The following TSPAN5 variants were observed in gnomAD, a reference collection of about 807,000 sequenced individuals.
The protein encoded by TSPAN5 is tetraspanin 5.
In TSPAN5, 10 loss-of-function variants were observed where a neutral mutation model predicts 37.1. That is an observed-to-expected ratio of 0.27 (90% CI 0.17 to 0.46). The LOEUF is 0.46. TSPAN5 is among the 20% of genes least tolerant of loss of function. The pLI is 1.00. For missense variants in TSPAN5, 195 were observed against 326.6 expected (o/e 0.60, Z 3.11); for synonymous variants, 110 against 118.9 (o/e 0.93, Z 0.48).
At chr4:98,542,648 G>T (rs1274063748) in intron 1 of TSPAN5, among the ~76,000 whole-genome samples, 7 of 148,824 alleles carry the variant, frequency 4.7e-5, no homozygotes, top group Non-Finnish European at 7.4e-5. Context: ...GAGCCCAGGA[G>T]CTCAAGGTTA....
chr4:98,492,661 C>A (rs1753109963), intron 2 of TSPAN5, among the ~76,000 whole-genome samples: 1 of 152,182 alleles, frequency 6.6e-6, no homozygotes, highest in Admixed American at 6.5e-5. Context: ...TTTAAATGGT[C>A]ATTTTCCCCA....
chr4:98,487,002 ATTATC>A, intron 2 of TSPAN5, 118 bp from the exon 3 acceptor site: 4 of 922,818 alleles, frequency 4.3e-6, no homozygotes, highest in Non-Finnish European at 6.6e-6. Context: ...AGGGCATCTG[ATTATC>A]AGGTATGTGA....
Position 98,621,168 on chromosome 4 carries a change from G to C in TSPAN5, c.81+36978C>G, listed in dbSNP as rs544311955. On this transcript the variant is annotated intron_variant, in intron 1 of 7. Transcript: ENST00000305798. ...GGTTTATACACCACGGAATGACAAA[G>C]ATGGCTGGCAAACCACTATAAGCTA... is the stretch of plus-strand genomic sequence containing the variant. 1.8e-3 allele frequency among the ~76,000 whole-genome samples: 274 copies of C among 152,154 alleles called. 1 individual carries two copies. In the Middle Eastern group the frequency reaches 0.034, roughly 19 times the overall value.
intron 1 of TSPAN5, among the ~76,000 whole-genome samples, chr4:98,513,915 A>AG (rs1753673655): frequency 6.7e-6 from 1 of 148,184 alleles, no homozygotes; most frequent in Admixed American, 6.8e-5. Context: ...GATAGTATAT[A>AG]TCAAGTTCCT....
At chr4:98,570,955 CG>C (rs1755104818) in intron 1 of TSPAN5, among the ~76,000 whole-genome samples, 1 of 151,066 alleles carries the variant, frequency 6.6e-6, no homozygotes, top group African/African-American at 2.4e-5. Context: ...GAGGTTGCAG[CG>C]AGCCGAGATC....
chr4:98,653,050 T>C (rs1358251761), intron 1 of TSPAN5, among the ~76,000 whole-genome samples: 1 of 152,216 alleles, frequency 6.6e-6, no homozygotes, highest in African/African-American at 2.4e-5. Flanking sequence ...ATATGACACT[T>C]TCATAACCAT....
intron 1 of TSPAN5, among the ~76,000 whole-genome samples, chr4:98,639,668 C>T (rs1756924006): frequency 6.6e-6 from 1 of 152,124 alleles, no homozygotes; most frequent in Non-Finnish European, 1.5e-5. Context: ...GTGTAGGATT[C>T]CCCACAAGCA....
At chr4:98,585,181 A>G (rs1755459232) in intron 1 of TSPAN5, among the ~76,000 whole-genome samples, 1 of 152,214 alleles carries the variant, frequency 6.6e-6, no homozygotes. Context: ...TCTGGTGTGC[A>G]TATATTGCAT....
intron 1 of TSPAN5, among the ~76,000 whole-genome samples, chr4:98,523,568 G>A (rs1456121929): frequency 1.3e-5 from 2 of 152,026 alleles, no homozygotes; most frequent in South Asian, 2.1e-4. Flanking sequence ...TTGAATAGCT[G>A]GGATTACAGG....
chr4:98,472,344 T>A lies in TSPAN5; in HGVS notation c.*178A>T, dbSNP rs975891419. ...CTTTCATACTGGTTATTTTTTTTTTTAATTCTGTCAGTGAGCAGCATTTCC... is the reference window on the plus strand; with the variant it reads ...CTTTCATACTGGTTATTTTTTTTTTAAATTCTGTCAGTGAGCAGCATTTCC... On this transcript the variant is annotated 3_prime_UTR_variant, in exon 8 of 8. Transcript: ENST00000305798. 2.7e-5 allele frequency: 13 copies of A among 482,124 alleles called. No individual in the cohort carries two copies. The highest frequency in any genetic ancestry group is 1.8e-4 in the African/African-American group (9 of 50,016). 29.9% of individuals were successfully genotyped at this position (482,124 alleles called of 1,614,324 possible). A position where few individuals can be genotyped will look rare whatever the true frequency, so the allele number is the denominator to read the frequency against.
chr4:98,566,250 T>C (rs1047685126), intron 1 of TSPAN5, among the ~76,000 whole-genome samples: 1 of 151,672 alleles, frequency 6.6e-6, no homozygotes, highest in Non-Finnish European at 1.5e-5. Flanking sequence ...ACAAGAATTA[T>C]GTGTGCTGAT....
At chr4:98,489,355 G>C (rs1163698543) in intron 2 of TSPAN5, among the ~76,000 whole-genome samples, 3 of 152,118 alleles carry the variant, frequency 2.0e-5, no homozygotes, top group African/African-American at 7.2e-5. Context: ...TACAAATTAG[G>C]CTAAAGCAGG....
chr4:98,472,709 A>G, intron 7 of TSPAN5, 122 bp from the exon 8 acceptor site: 1 of 786,810 alleles, frequency 1.3e-6, no homozygotes, highest in Non-Finnish European at 2.1e-6. Context: ...TATGTGGTAA[A>G]AAGCATCCTT....
chr4:98,586,096 G>A (rs549942236), intron 1 of TSPAN5, among the ~76,000 whole-genome samples: 1 of 152,208 alleles, frequency 6.6e-6, no homozygotes. Flanking sequence ...ATGTAGGTCT[G>A]GAATTCAATG....
At chr4:98,645,213 T>C (rs1422831475) in intron 1 of TSPAN5, among the ~76,000 whole-genome samples, 14 of 152,194 alleles carry the variant, frequency 9.2e-5, no homozygotes, top group Admixed American at 9.2e-4. Flanking sequence ...ACCTCCATTA[T>C]AACAAAAGAA....
intron 1 of TSPAN5, among the ~76,000 whole-genome samples, chr4:98,540,257 T>G (rs1434998911): frequency 1.3e-5 from 2 of 152,236 alleles, no homozygotes. Flanking sequence ...TGAATTACTT[T>G]TGCAAATACA....
At chr4:98,637,234 C>G (rs1756875279) in intron 1 of TSPAN5, among the ~76,000 whole-genome samples, 1 of 152,238 alleles carries the variant, frequency 6.6e-6, no homozygotes, top group Non-Finnish European at 1.5e-5. Flanking sequence ...CACTGCCACA[C>G]TGCACAACTC....
At chr4:98,610,953 G>A (rs1756173362) in intron 1 of TSPAN5, among the ~76,000 whole-genome samples, 1 of 152,162 alleles carries the variant, frequency 6.6e-6, no homozygotes, top group Admixed American at 6.5e-5. Flanking sequence ...AACTAGGTTT[G>A]TTCCTGTGAC....
chr4:98,571,502 G>A (rs1448639973), intron 1 of TSPAN5, among the ~76,000 whole-genome samples: 1 of 147,234 alleles, frequency 6.8e-6, no homozygotes, highest in Admixed American at 6.8e-5. Flanking sequence ...ACTAAAAACA[G>A]TAACTAAAAG....
Sources: allele counts gnomAD v4.1 joint callset (sites outside exome capture counted in the v4.1 genomes callset), GRCh38; gene constraint gnomAD v4.1.1; transcripts MANE v1.5; gene names NCBI Gene and HGNC (gene_info 2026-07-23, HGNC 2026-07-21).